ZNF557: variants seen among roughly 807,000 people sequenced by gnomAD.
The protein encoded by ZNF557 is CTB-25J19.9.
In ZNF557, 19 loss-of-function variants were observed where a neutral mutation model predicts 21.2. The observed-to-expected ratio is 0.90, with a 90% CI of 0.63 to 1.32. The LOEUF (loss-of-function observed/expected upper bound fraction) is 1.32. Among genes scored for constraint, ZNF557 ranks in the 40% most tolerant of loss-of-function variants. The pLI is 0.00. For missense variants in ZNF557, 487 were observed against 519.8 expected (o/e 0.94, Z 0.61); for synonymous variants, 207 against 194.8 (o/e 1.06, Z -0.52).
At chr19:7,079,329 C>T (rs1977647494) in intron 5 of ZNF557, among the ~76,000 whole-genome samples, 1 of 148,674 alleles carries the variant, frequency 6.7e-6, no homozygotes, top group African/African-American at 2.5e-5. Context: ...GCAAGCTCTG[C>T]CTCCCAGGTT....
chr19:7,075,482 G>C (rs1977566022), intron 3 of ZNF557, among the ~76,000 whole-genome samples, 173 bp from the exon 4 acceptor site: 1 of 152,172 alleles, frequency 6.6e-6, no homozygotes, highest in East Asian at 1.9e-4. Flanking sequence ...GCCATGCTCT[G>C]GTTTCCTTGG....
In ZNF557 at chr19:7,079,557, A is replaced by G. The variant is rs535930287; in HGVS notation, c.248-1803A>G. On this transcript the variant is annotated intron_variant, in intron 5 of 7. Coordinates refer to ENST00000252840, the MANE Select transcript of ZNF557 (RefSeq NM_024341.3). ...GCCCGGCCCATTTTTTTGTTTCTTT[A>G]CATGCCTCATAATTTATTTGCTGAA... Among the ~76,000 whole-genome samples, 3 of 151,922 alleles carry G rather than the reference A, an allele frequency of 2.0e-5. No individual in the cohort carries two copies. The South Asian group carries it at 6.2e-4, about 32-fold the overall frequency.
chr19:7,086,948 GA>G lies in ZNF557; in HGVS notation c.*3205del, dbSNP rs1408318024. The G allele has an allele frequency of 6.6e-6, 1 of 151,702 alleles. No homozygotes were observed. The highest frequency in any genetic ancestry group is 2.4e-5 in the African/African-American group (1 of 41,298). The allele number at this position is 151,702 out of a possible 1,614,324, so 9.4% of individuals were successfully genotyped here. ...GGAGGCTGAGGCAGGAGAATCGCTT[GA>G]GCCTGGGAAGCGGAGGTTGCAGTGA... On this transcript the variant is annotated 3_prime_UTR_variant, in exon 8 of 8. Transcript: ENST00000252840.
At chr19:7,078,224 A>C (rs1192284447) in intron 5 of ZNF557, among the ~76,000 whole-genome samples, 1 of 152,130 alleles carries the variant, frequency 6.6e-6, no homozygotes, top group Non-Finnish European at 1.5e-5. Flanking sequence ...TCTGGTGACA[A>C]ATCAGCTGTT....
intron 2 of ZNF557, among the ~76,000 whole-genome samples, 177 bp from the exon 3 acceptor site, chr19:7,074,819 C>T (rs1300095440): frequency 9.6e-5 from 3 of 31,238 alleles, no homozygotes; most frequent in Admixed American, 4.4e-4. Context: ...AGGCAGGGCA[C>T]GGGCTGGAGA....
At chr19:7,070,940 A>G (rs113434902) in intron 2 of ZNF557, among the ~76,000 whole-genome samples, 4,149 of 152,018 alleles carry the variant, frequency 0.027, 68 homozygotes, top group Non-Finnish European at 0.042. Context: ...TAATTTTTGT[A>G]TTTTTAGTAA....
intron 5 of ZNF557, among the ~76,000 whole-genome samples, 164 bp from the exon 6 acceptor site, chr19:7,081,196 T>A (rs1235958976): frequency 5.2e-5 from 2 of 38,444 alleles, no homozygotes; most frequent in Non-Finnish European, 9.6e-5. Context: ...TGTGTGTGTG[T>A]GTGTGAGTGT....
chr19:7,074,311 C>T (rs1977525593), intron 2 of ZNF557, among the ~76,000 whole-genome samples: 1 of 128,370 alleles, frequency 7.8e-6, no homozygotes, highest in Non-Finnish European at 1.7e-5. Flanking sequence ...TGGCCAGCCG[C>T]TTTCATCTTT....
intron 2 of ZNF557, 137 bp from the exon 3 acceptor site, chr19:7,074,859 A>AG (rs1364247153): frequency 6.9e-6 from 3 of 437,244 alleles, no homozygotes; most frequent in African/African-American, 5.7e-5. Context: ...CACGGGCAGG[A>AG]GGGGGGGTGA....
chr19:7,084,914 G>C lies in ZNF557; in HGVS notation c.*1170G>C, dbSNP rs925847045. 2.0e-5 allele frequency: 3 copies of C among 152,026 alleles called. No homozygotes were observed. The highest frequency in any genetic ancestry group is 7.2e-5 in the African/African-American group (3 of 41,392). 9.4% of individuals were successfully genotyped at this position (152,026 alleles called of 1,614,324 possible). On this transcript the variant is annotated 3_prime_UTR_variant, in exon 8 of 8. Transcript: ENST00000252840. Reference sequence around the variant, plus strand: ...GTGGCATCAAAAATGGAAAACCAGGGGACACTCATTCCTTAAGTCACATTT... The same window carrying C: ...GTGGCATCAAAAATGGAAAACCAGGCGACACTCATTCCTTAAGTCACATTT...
chr19:7,078,384 G>A (rs1463142293), intron 5 of ZNF557, among the ~76,000 whole-genome samples: 2 of 150,682 alleles, frequency 1.3e-5, no homozygotes, highest in Admixed American at 6.6e-5. Context: ...GTGTAGACTT[G>A]TAATTTTCAT....
At chr19:7,081,544 T>C (rs76236456) in intron 6 of ZNF557, 89 bp downstream of exon 6, 7 of 904,934 alleles carry the variant, frequency 7.7e-6, no homozygotes, top group African/African-American at 3.3e-5. Flanking sequence ...TTAGGAAATA[T>C]CAGTCAGAGA....
chr19:7,081,482 T>C, intron 6 of ZNF557, 27 bp downstream of exon 6: 1 of 1,488,880 alleles, frequency 6.7e-7, no homozygotes, highest in Non-Finnish European at 9.4e-7. Context: ...TATAAGTCCT[T>C]GTGAGGAACA....
chr19:7,083,058 A>C lies in ZNF557; in HGVS notation c.607A>C (p.Asn203His). The C allele has an allele frequency of 6.2e-7, 1 of 1,614,140 alleles. No individual in the cohort carries two copies. The highest frequency in any genetic ancestry group is 8.5e-7 in the Non-Finnish European group (1 of 1,179,984). ...SYLAVHKRIH[N>H]GEKPYECNDC... is the part of the protein sequence containing the mutation. ...CCTTGCTGTTCATAAGAGAATCCAC[A>C]ATGGGGAGAAACCCTATGAATGCAA... is the stretch of plus-strand genomic sequence containing the variant. The change falls in exon 8 of 8, where the codon AAT becomes CAT. Residue 203 changes from asparagine to histidine, a missense_variant. Coordinates refer to ENST00000252840, the MANE Select transcript of ZNF557 (RefSeq NM_024341.3).
At chr19:7,070,155 C>G (rs948042133) in intron 1 of ZNF557, among the ~76,000 whole-genome samples, 1 of 152,200 alleles carries the variant, frequency 6.6e-6, no homozygotes, top group Non-Finnish European at 1.5e-5. Flanking sequence ...GTCATTAGTG[C>G]CCAGGTTGGG....
intron 5 of ZNF557, among the ~76,000 whole-genome samples, chr19:7,079,435 G>GCT (rs1555729906): frequency 1.3e-4 from 19 of 151,366 alleles, no homozygotes; most frequent in Non-Finnish European, 2.2e-4. Flanking sequence ...TAGAGACAGG[G>GCT]TTCACCGTGT....
chr19:7,077,132 CTTTTTTT>C (rs4031071), intron 5 of ZNF557, among the ~76,000 whole-genome samples: 2 of 78,368 alleles, frequency 2.6e-5, no homozygotes, highest in South Asian at 5.0e-4. Context: ...TGTTTTCTTT[CTTTTTTT>C]TTTTTTTTTT....
chr19:7,076,976 G>A (rs1977596632), intron 5 of ZNF557, among the ~76,000 whole-genome samples: 1 of 151,870 alleles, frequency 6.6e-6, no homozygotes, highest in African/African-American at 2.4e-5. Flanking sequence ...TCAAACTCTT[G>A]GGCTCAGGTG....
chr19:7,075,802 A>G (rs1977577193), intron 4 of ZNF557, 59 bp downstream of exon 4: 1 of 1,591,920 alleles, frequency 6.3e-7, no homozygotes, highest in Non-Finnish European at 8.6e-7. Flanking sequence ...GTTGGACTTG[A>G]TGCCTTTCAG....
Sources: gnomAD v4.1 joint callset for allele counts (sites outside exome capture counted in the v4.1 genomes callset) on GRCh38, gnomAD v4.1.1 for gene constraint, MANE v1.5 for transcripts, NCBI Gene and HGNC (gene_info 2026-07-23, HGNC 2026-07-21) for gene names.